The following SLC35D4 variants were observed in gnomAD, a reference collection of about 807,000 sequenced individuals.
The protein encoded by SLC35D4 is UDP-N-acetylglucosamine transporter SLC35D4.
At chr18:23,313,436 G>A in the SLC35D4 span, among the ~76,000 whole-genome samples, 1 of 151,980 alleles carries the variant, frequency 6.6e-6, no homozygotes, top group Non-Finnish European at 1.5e-5. Flanking sequence ...GCACTTGGAG[G>A]CTTACAAAGG....
chr18:23,309,228 TTG>T, the SLC35D4 span, among the ~76,000 whole-genome samples: 3,160 of 145,692 alleles, frequency 0.022, 47 homozygotes, highest in African/African-American at 0.037. Context: ...AAAGGGCTGA[TTG>T]TGTGTGTGTG....
the SLC35D4 span, chr18:23,257,270 C>T: frequency 2.5e-6 from 4 of 1,613,398 alleles, no homozygotes; most frequent in African/African-American, 5.3e-5. Flanking sequence ...GAACTGATTG[C>T]CTTTGAATTC....
At chr18:23,346,358 G>C in the SLC35D4 span, among the ~76,000 whole-genome samples, 1 of 152,086 alleles carries the variant, frequency 6.6e-6, no homozygotes, top group African/African-American at 2.4e-5. Context: ...GGTCTCAAGT[G>C]ATCTTCCCAC....
At chr18:23,393,604 T>C in the SLC35D4 span, among the ~76,000 whole-genome samples, 2 of 152,154 alleles carry the variant, frequency 1.3e-5, no homozygotes, top group African/African-American at 4.8e-5. Flanking sequence ...TGAATAATAT[T>C]CCATTGTTTG....
At chr18:23,246,400 T>G in the SLC35D4 span, among the ~76,000 whole-genome samples, 2 of 148,752 alleles carry the variant, frequency 1.3e-5, no homozygotes, top group Admixed American at 6.7e-5. Context: ...TGTTTTTTGG[T>G]TTTTTTTTTG....
the SLC35D4 span, among the ~76,000 whole-genome samples, chr18:23,342,343 C>A: frequency 6.6e-6 from 1 of 152,084 alleles, no homozygotes; most frequent in Non-Finnish European, 1.5e-5. Flanking sequence ...TGACTGGATT[C>A]TTTAGCTTAG....
chr18:23,358,226 A>G, the SLC35D4 span, among the ~76,000 whole-genome samples: 2 of 152,164 alleles, frequency 1.3e-5, no homozygotes, highest in Admixed American at 6.5e-5. Context: ...AGCGCAGCCA[A>G]TGTGATAATG....
the SLC35D4 span, chr18:23,253,130 C>T: frequency 1.1e-6 from 1 of 902,340 alleles, no homozygotes; most frequent in Non-Finnish European, 1.8e-6. Flanking sequence ...ACACCGTAAG[C>T]TTGTCATCTG....
At chr18:23,257,518 C>T in the SLC35D4 span, 2 of 852,754 alleles carry the variant, frequency 2.3e-6, no homozygotes, top group African/African-American at 1.7e-5. Flanking sequence ...TAGAAACTTT[C>T]CAAGGAGTCT....
At chr18:23,357,235 C>CA in the SLC35D4 span, among the ~76,000 whole-genome samples, 1 of 151,918 alleles carries the variant, frequency 6.6e-6, no homozygotes, top group Non-Finnish European at 1.5e-5. Context: ...ACTGCAAGAA[C>CA]AGCACGGGGG....
the SLC35D4 span, among the ~76,000 whole-genome samples, chr18:23,409,743 C>T: frequency 1.3e-5 from 2 of 151,406 alleles, no homozygotes; most frequent in Non-Finnish European, 2.9e-5. Flanking sequence ...ACTTGGGAAG[C>T]TGAGGCAGGA....
chr18:23,302,105 T>C, the SLC35D4 span, among the ~76,000 whole-genome samples: 1 of 152,240 alleles, frequency 6.6e-6, no homozygotes, highest in East Asian at 1.9e-4. Flanking sequence ...AAACACACCC[T>C]TTCTCCTAGA....
At chr18:23,327,348 T>TA in the SLC35D4 span, among the ~76,000 whole-genome samples, 2,471 of 151,896 alleles carry the variant, frequency 0.016, 62 homozygotes, top group African/African-American at 0.056. Flanking sequence ...ATAGATGCAA[T>TA]AAAAAATGAT....
chr18:23,304,495 A>G, the SLC35D4 span, among the ~76,000 whole-genome samples: 7 of 144,086 alleles, frequency 4.9e-5, no homozygotes, highest in Admixed American at 4.8e-4. Flanking sequence ...TATATAAATG[A>G]CATTATATAT....
chr18:23,426,956 G>C, the SLC35D4 span, among the ~76,000 whole-genome samples: 1 of 152,278 alleles, frequency 6.6e-6, no homozygotes, highest in East Asian at 1.9e-4. Context: ...GGGAAAACTG[G>C]CTAGCCATAT....
the SLC35D4 span, among the ~76,000 whole-genome samples, chr18:23,396,307 C>A: frequency 6.6e-6 from 1 of 152,150 alleles, no homozygotes; most frequent in Non-Finnish European, 1.5e-5. Context: ...TTTAATGGAG[C>A]GCTTTTCCCC....
chr18:23,428,555 T>C, the SLC35D4 span, among the ~76,000 whole-genome samples: 20 of 152,194 alleles, frequency 1.3e-4, no homozygotes, highest in Admixed American at 1.0e-3. Flanking sequence ...TCTCACTTTG[T>C]CACCCAAGCT....
At chr18:23,259,613 CAGG>C in the SLC35D4 span, 1 of 152,158 alleles carries the variant, frequency 6.6e-6, no homozygotes, top group Admixed American at 6.5e-5. Flanking sequence ...GGCATTTTAT[CAGG>C]AGGTCTCCTT....
chr18:23,381,192 A>G, the SLC35D4 span, among the ~76,000 whole-genome samples: 2 of 152,246 alleles, frequency 1.3e-5, no homozygotes, highest in Admixed American at 1.3e-4. Context: ...GCTTCAACCA[A>G]TGTGGAATGA....
Sources: allele counts gnomAD v4.1 joint callset (sites outside exome capture counted in the v4.1 genomes callset), GRCh38; gene constraint gnomAD v4.1.1; transcripts MANE v1.5; gene names NCBI Gene and HGNC (gene_info 2026-07-23, HGNC 2026-07-21).